Variants in RHOA observed in about 807,000 individuals in gnomAD.
RHOA encodes the protein transforming protein RhoA.
A neutral mutation model predicts 17.5 loss-of-function variants in RHOA; 3 were observed. That is an observed-to-expected ratio of 0.17 (90% CI 0.08 to 0.44). RHOA has a LOEUF of 0.44. RHOA is among the 20% of genes least tolerant of loss of function. The pLI is 0.99. For synonymous variants in RHOA, 98 were observed against 88.4 expected (o/e 1.11, Z -0.61); for missense variants, 56 against 242.3 (o/e 0.23, Z 5.10).
At chr3:49,402,015 C>T (rs1026121935) in intron 1 of RHOA, among the ~76,000 whole-genome samples, 1 of 152,122 alleles carries the variant, frequency 6.6e-6, no homozygotes. Context: ...GAATAAGGCA[C>T]ATGGTGGTAA....
chr3:49,363,569 C>G (rs2048006840), intron 3 of RHOA, among the ~76,000 whole-genome samples: 1 of 150,872 alleles, frequency 6.6e-6, no homozygotes, highest in African/African-American at 2.4e-5. Context: ...AACCCCATCT[C>G]CAGACAGCGT....
intron 1 of RHOA, among the ~76,000 whole-genome samples, chr3:49,376,621 G>T (rs1416126669): frequency 6.9e-6 from 1 of 145,114 alleles, no homozygotes; most frequent in Non-Finnish European, 1.5e-5. Flanking sequence ...CCAGCCTGGG[G>T]GACAGAGTAA....
At chr3:49,368,303 T>C in intron 3 of RHOA, 125 bp downstream of exon 3, 5 of 1,224,986 alleles carry the variant, frequency 4.1e-6, no homozygotes, top group Non-Finnish European at 5.8e-6. Flanking sequence ...ACTCCAGGAC[T>C]CCGGCCACTG....
chr3:49,405,093 C>T (rs1424263338), intron 1 of RHOA, among the ~76,000 whole-genome samples: 3 of 133,938 alleles, frequency 2.2e-5, no homozygotes, highest in Non-Finnish European at 4.9e-5. Context: ...ACTAAAAATA[C>T]AAAAAAAAAA....
intron 2 of RHOA, among the ~76,000 whole-genome samples, chr3:49,370,393 A>C (rs1052360744): frequency 1.3e-5 from 2 of 152,238 alleles, no homozygotes; most frequent in Non-Finnish European, 2.9e-5. Flanking sequence ...AGGAGGGAAG[A>C]AATCAAATTT....
intron 1 of RHOA, among the ~76,000 whole-genome samples, chr3:49,410,052 G>C (rs1391840488): frequency 6.6e-6 from 1 of 152,160 alleles, no homozygotes; most frequent in African/African-American, 2.4e-5. Flanking sequence ...AGTTAACAAG[G>C]GGAGAGTGCT....
intron 3 of RHOA, among the ~76,000 whole-genome samples, 192 bp downstream of exon 3, chr3:49,368,236 G>A (rs2048090810): frequency 6.6e-6 from 1 of 152,042 alleles, no homozygotes; most frequent in Admixed American, 6.6e-5. Flanking sequence ...TTTAAATACA[G>A]TACCCATGGG....
At chr3:49,405,687 CTT>C (rs938758548) in intron 1 of RHOA, among the ~76,000 whole-genome samples, 1 of 151,918 alleles carries the variant, frequency 6.6e-6, no homozygotes, top group Non-Finnish European at 1.5e-5. Flanking sequence ...TTCTTTCCTT[CTT>C]TTTTTTGTGT....
rs990074703 is a variant in RHOA, at chr3:49,385,325, A to G, written c.-2-9734T>C. ...AACCTCCGCCTCCCAGGTTCAAGCAATTCTCCTGCCTCAGCCTCCCAAATA... is the reference window on the plus strand; with the variant it reads ...AACCTCCGCCTCCCAGGTTCAAGCAGTTCTCCTGCCTCAGCCTCCCAAATA... On this transcript the variant is annotated intron_variant, in intron 1 of 4. Coordinates refer to ENST00000418115, the MANE Select transcript of RHOA (RefSeq NM_001664.4). Among the ~76,000 whole-genome samples, 4 of 150,432 alleles carry G rather than the reference A, an allele frequency of 2.7e-5. No individual in the cohort carries two copies. The East Asian group carries it at 6.0e-4, about 22-fold the overall frequency.
chr3:49,402,884 A>C (rs1372162040), intron 1 of RHOA, among the ~76,000 whole-genome samples: 1 of 151,990 alleles, frequency 6.6e-6, no homozygotes, highest in Middle Eastern at 3.2e-3. Context: ...AAAAACACAA[A>C]AAATTAGCCG....
intron 3 of RHOA, among the ~76,000 whole-genome samples, chr3:49,363,846 A>G (rs947844403): frequency 8.6e-5 from 13 of 151,988 alleles, no homozygotes; most frequent in African/African-American, 3.1e-4. Context: ...ACAGAGTGAG[A>G]CTCTGTATCA....
At chr3:49,373,836 G>A (rs1472172744) in intron 2 of RHOA, among the ~76,000 whole-genome samples, 2 of 149,732 alleles carry the variant, frequency 1.3e-5, no homozygotes, top group African/African-American at 4.9e-5. Context: ...GAGAGGCCAA[G>A]CAAAGCATTA....
intron 1 of RHOA, among the ~76,000 whole-genome samples, chr3:49,386,053 T>G (rs916077540): frequency 2.6e-5 from 4 of 152,184 alleles, no homozygotes; most frequent in Non-Finnish European, 5.9e-5. Context: ...TTTTGGTTAT[T>G]CTGGGTCCCC....
In RHOA at chr3:49,407,178, T is replaced by C. The variant is rs191369076; in HGVS notation, c.-3+4642A>G. Reference sequence around the variant, plus strand: ...GAAGAGAAGAACCAATGACTTCAAATAAAATAGGCAGAAGTCACTAAGTCA... The same window carrying C: ...GAAGAGAAGAACCAATGACTTCAAACAAAATAGGCAGAAGTCACTAAGTCA... On this transcript the variant is annotated intron_variant, in intron 1 of 4. Transcript: ENST00000418115. Among the ~76,000 whole-genome samples, 213 of 141,088 alleles carry C rather than the reference T, an allele frequency of 1.5e-3. 3 individuals carry two copies. The highest frequency in any genetic ancestry group is 4.8e-3 in the African/African-American group (187 of 38,568). The allele number at this position is 141,088 out of a possible 152,430, so 92.6% of individuals were successfully genotyped here.
chr3:49,394,444 G>A (rs1377264235), intron 1 of RHOA, among the ~76,000 whole-genome samples: 4 of 152,054 alleles, frequency 2.6e-5, no homozygotes, highest in African/African-American at 9.7e-5. Context: ...TCCACCTCCC[G>A]GGTTCCACCA....
chr3:49,408,111 A>G (rs1223341018), intron 1 of RHOA, among the ~76,000 whole-genome samples: 1 of 151,940 alleles, frequency 6.6e-6, no homozygotes, highest in Non-Finnish European at 1.5e-5. Flanking sequence ...GTGAGCCGAG[A>G]TGGCGCTACT....
At chr3:49,400,847 C>T (rs1445835532) in intron 1 of RHOA, among the ~76,000 whole-genome samples, 1 of 151,386 alleles carries the variant, frequency 6.6e-6, no homozygotes, top group Non-Finnish European at 1.5e-5. Flanking sequence ...AGATCAAGAC[C>T]ATCCTGGCTA....
intron 1 of RHOA, among the ~76,000 whole-genome samples, chr3:49,379,156 A>G (rs1471932785): frequency 6.6e-6 from 1 of 152,172 alleles, no homozygotes; most frequent in Admixed American, 6.6e-5. Flanking sequence ...CCAACAACTG[A>G]TGAATATAAT....
At chr3:49,370,431 C>T (rs925681907) in intron 2 of RHOA, among the ~76,000 whole-genome samples, 1 of 151,990 alleles carries the variant, frequency 6.6e-6, no homozygotes, top group Non-Finnish European at 1.5e-5. Context: ...GGCATACAGG[C>T]GAGAGAGGAA....
Sources: allele counts gnomAD v4.1 joint callset (sites outside exome capture counted in the v4.1 genomes callset), GRCh38; gene constraint gnomAD v4.1.1; transcripts MANE v1.5; gene names NCBI Gene and HGNC (gene_info 2026-07-23, HGNC 2026-07-21).